LARS1: variants seen among roughly 807,000 people sequenced by gnomAD.
LARS1 encodes the protein leucine--tRNA ligase, cytoplasmic.
In LARS1, 100 loss-of-function variants were observed where a neutral mutation model predicts 162.8. The ratio of observed to expected loss-of-function variants is 0.61; its 90% CI spans 0.52 to 0.73. The LOEUF is 0.73. Ranked by LOEUF, LARS1 falls within the 30% of genes least tolerant of loss-of-function variation. The pLI is 0.00. For synonymous variants in LARS1, 457 were observed against 462.8 expected (o/e 0.99, Z 0.16); for missense variants, 1,258 against 1,408.9 (o/e 0.89, Z 1.71).
chr5:146,146,066 C>A (rs1217389887), intron 15 of LARS1, among the ~76,000 whole-genome samples: 1 of 152,120 alleles, frequency 6.6e-6, no homozygotes, highest in Non-Finnish European at 1.5e-5. Context: ...TTAAATAGCT[C>A]TAGAAATAGA....
At chr5:146,148,902 C>T (rs913469682) in intron 15 of LARS1, among the ~76,000 whole-genome samples, 1 of 151,816 alleles carries the variant, frequency 6.6e-6, no homozygotes, top group African/African-American at 2.4e-5. Flanking sequence ...ATGGAGAAAC[C>T]CCATCTCTAC....
chr5:146,122,512 G>C lies in LARS1; in HGVS notation c.3172C>G (p.Leu1058Val). ...CTTACTTCTATTCTAAAAACATTAAGTGGTTTCCCAGGACAGCAGTCTTCC... is the reference window on the plus strand; with the variant it reads ...CTTACTTCTATTCTAAAAACATTAACTGGTTTCCCAGGACAGCAGTCTTCC... ...IREDCCPGKPLNVFRIEPGVS... is the reference protein window; with the variant it reads ...IREDCCPGKPVNVFRIEPGVS... The change falls in exon 30 of 32, where the codon CTT becomes GTT. Residue 1058 changes from leucine (L) to valine (V), a missense_variant. Physicochemically the swap from Leu to Val is conservative, Grantham distance 32. Transcript: ENST00000394434. 6.2e-7 allele frequency: 1 copy of C among 1,600,942 alleles called. No homozygotes were observed. The highest frequency in any genetic ancestry group is 1.3e-5 in the African/African-American group (1 of 74,664).
Position 146,129,047 on chromosome 5 carries a change from C to T in LARS1, c.2700G>A (p.Gln900=), listed in dbSNP as rs554207542. 73 of 1,610,988 alleles carry T rather than the reference C, an allele frequency of 4.5e-5. No individual in the cohort carries two copies. The South Asian group carries it at 7.6e-4, about 17-fold the overall frequency. The change falls in exon 26 of 32, where the codon CAG becomes CAA. Residue 900 remains glutamine, a synonymous_variant. Transcript: ENST00000394434. ...PVNEVLIHSS[Q]YLMEVTHDLR... ...GGTCATGTGTTACTTCCATAAGATA[C>T]TGTGAGGAGTGTATTAAAACTTCAT...
At position 146,133,063 on chromosome 5, in the gene LARS1, G is replaced by C. The variant is rs1200902814; in HGVS notation, c.2231C>G (p.Ala744Gly). ...FSADGMRLALADAGDTVEDAN... is the reference protein window; with the variant it reads ...FSADGMRLALGDAGDTVEDAN... The stretch of plus-strand genomic sequence containing the variant: ...ATCTTCTACAGTGTCACCAGCATCA[G>C]CCAGAGCCAAACGCATTCCTGGAAG... Residue 744 changes from alanine to glycine, a missense_variant, in exon 23 of 32, where the codon GCT becomes GGT. By Grantham distance (60) the Ala-to-Gly change is moderately conservative. Transcript: ENST00000394434. 6.2e-7 allele frequency: 1 copy of C among 1,612,624 alleles called. No homozygotes were observed. The highest frequency in any genetic ancestry group is 1.7e-5 in the Admixed American group (1 of 59,730).
At position 146,171,994 on chromosome 5, in the gene LARS1, C is replaced by T; in HGVS notation, c.214-4G>A. 1 of 1,609,914 alleles carries T rather than the reference C, an allele frequency of 6.2e-7. No individual in the cohort carries two copies. Among genetic ancestry groups the T allele is most frequent in the Non-Finnish European group, 8.5e-7 (1 of 1,176,782 alleles). ...ATCGCTGGTACCCTACAGCAAACTA[C>T]AGAAATAAAATTAAATTTAAATTGC... On this transcript the variant is annotated splice_polypyrimidine_tract_variant and splice_region_variant and intron_variant, in intron 3 of 31. Coordinates refer to ENST00000394434, the MANE Select transcript of LARS1 (RefSeq NM_020117.11).
intron 30 of LARS1, among the ~76,000 whole-genome samples, chr5:146,122,136 CATCT>C (rs551966736): frequency 1.2e-4 from 19 of 152,080 alleles, no homozygotes; most frequent in Admixed American, 4.6e-4. Flanking sequence ...AACCAAGACT[CATCT>C]GAGGTTTAAA....
At chr5:146,143,116 T>TATATAG in intron 19 of LARS1, 32 bp from the exon 20 acceptor site, 1 of 1,127,546 alleles carries the variant, frequency 8.9e-7, no homozygotes, top group Non-Finnish European at 1.2e-6. Context: ...CTATTTTATA[T>TATATAG]ATATATATAT....
chr5:146,171,434 C>T (rs1754272341), intron 4 of LARS1, among the ~76,000 whole-genome samples: 1 of 151,942 alleles, frequency 6.6e-6, no homozygotes, highest in African/African-American at 2.4e-5. Flanking sequence ...TTTCCTAATC[C>T]TATTATATAA....
intron 4 of LARS1, among the ~76,000 whole-genome samples, chr5:146,170,346 T>A (rs1754205595): frequency 6.6e-6 from 1 of 151,984 alleles, no homozygotes; most frequent in African/African-American, 2.4e-5. Flanking sequence ...AGCAGGCACC[T>A]GTAATCCCAG....
intron 10 of LARS1, among the ~76,000 whole-genome samples, chr5:146,156,478 G>A (rs974515643): frequency 1.3e-5 from 2 of 152,060 alleles, no homozygotes; most frequent in Admixed American, 6.6e-5. Context: ...TGGATCACCC[G>A]AGGTCAGGAG....
At chr5:146,128,463 T>C (rs549550309) in intron 27 of LARS1, among the ~76,000 whole-genome samples, 4 of 152,176 alleles carry the variant, frequency 2.6e-5, no homozygotes, top group Non-Finnish European at 4.4e-5. Flanking sequence ...TTTGTATAAA[T>C]TTTTCAGAAA....
chr5:146,154,158 G>A (rs1440630938), intron 10 of LARS1, among the ~76,000 whole-genome samples, 178 bp from the exon 11 acceptor site: 2 of 152,144 alleles, frequency 1.3e-5, no homozygotes, highest in Non-Finnish European at 2.9e-5. Flanking sequence ...TTTTATACTT[G>A]AAAATTGCTG....
rs1561821633 is a variant in LARS1 at position 146,157,598 on chromosome 5, C to G, written c.870G>C (p.Val290=). 1 of 1,613,696 alleles carries G rather than the reference C, an allele frequency of 6.2e-7. No homozygotes were observed. Among genetic ancestry groups the G allele is most frequent in the Non-Finnish European group, 8.5e-7 (1 of 1,179,966 alleles). Residue 290 remains valine (V), a synonymous_variant, in exon 10 of 32, where the codon GTG becomes GTC. Transcript: ENST00000394434. ...TGGTCTCAGGTCTGAGAGTAGCAGC[C>G]ACCAAGAAAATATTTTTACCTTTCA... ...SGLKGKNIFL[V]AATLRPETMF...
chr5:146,148,797 C>A (rs958740874), intron 15 of LARS1, among the ~76,000 whole-genome samples: 1 of 152,084 alleles, frequency 6.6e-6, no homozygotes, highest in Non-Finnish European at 1.5e-5. Context: ...GGAGATTAGC[C>A]GGGCATGGTG....
chr5:146,180,538 T>C (rs960737680), intron 1 of LARS1, among the ~76,000 whole-genome samples: 18 of 152,072 alleles, frequency 1.2e-4, no homozygotes. Context: ...ATAAAAAATA[T>C]GATCATGTCA....
chr5:146,123,803 TC>T (rs1751931613), intron 29 of LARS1, among the ~76,000 whole-genome samples, 178 bp downstream of exon 29: 1 of 151,770 alleles, frequency 6.6e-6, no homozygotes, highest in African/African-American at 2.4e-5. Context: ...TCACTTTTTT[TC>T]CTGCAACTTT....
intron 5 of LARS1, 21 bp from the exon 6 acceptor site, chr5:146,164,492 T>TA (rs1426969188): frequency 6.2e-7 from 1 of 1,609,896 alleles, no homozygotes; most frequent in Non-Finnish European, 8.5e-7. Context: ...TGGAGAAAAA[T>TA]AAACTCGATC....
Position 146,151,887 on chromosome 5 carries a change from A to G in LARS1, c.1400T>C (p.Ile467Thr), listed in dbSNP as rs1279627429. The G allele has an allele frequency of 1.2e-6, 2 of 1,613,956 alleles. No homozygotes were observed. Among genetic ancestry groups the G allele is most frequent in the African/African-American group, 1.3e-5 (1 of 75,040 alleles). Residue 467 changes from isoleucine to threonine, a missense_variant, in exon 14 of 32, where the codon ATA (isoleucine) becomes ACA (threonine). Coordinates refer to ENST00000394434, the MANE Select transcript of LARS1 (RefSeq NM_020117.11). ...ACCCTCATAAAATCCTTTTAGATAT[A>G]TCTTCTCCTTTGCTTCTGCAAGTTT... ...REKLAEAKEK[I>T]YLKGFYEGIM...
chr5:146,134,355 G>C (rs569409817), intron 22 of LARS1, among the ~76,000 whole-genome samples: 1 of 152,142 alleles, frequency 6.6e-6, no homozygotes, highest in South Asian at 2.1e-4. Context: ...TACATAAAGT[G>C]GTTTCATAAT....
Sources: allele counts gnomAD v4.1 joint callset (sites outside exome capture counted in the v4.1 genomes callset), GRCh38; gene constraint gnomAD v4.1.1; transcripts MANE v1.5; gene names NCBI Gene and HGNC (gene_info 2026-07-23, HGNC 2026-07-21).